The following RIMS2 variants were observed in gnomAD, a reference collection of about 807,000 sequenced individuals.
The protein encoded by RIMS2 is regulating synaptic membrane exocytosis 2, also known as regulating synaptic membrane exocytosis protein 2.
Under a neutral mutation model 174.4 loss-of-function variants are expected in RIMS2, and 59 were observed. That is an observed-to-expected ratio of 0.34 (90% confidence interval 0.27 to 0.42). The LOEUF (loss-of-function observed/expected upper bound fraction) is 0.42. Among genes scored for constraint, RIMS2 ranks in the 10% least tolerant of loss-of-function variants. The probability of loss-of-function intolerance (pLI) is 1.00; values close to 1 mark genes in which losing one functional copy is unlikely to be tolerated. For synonymous variants in RIMS2, 606 were observed against 572.5 expected, an observed-to-expected ratio of 1.06 and a Z score of -0.84; for missense variants, 1,620 against 1,666.3, an observed-to-expected ratio of 0.97 and a Z score of 0.48.
chr8:103,713,065 C>T (rs1295096132), intron 2 of RIMS2, among the ~76,000 whole-genome samples: 2 of 151,878 alleles, frequency 1.3e-5, no homozygotes, highest in African/African-American at 4.8e-5. Flanking sequence ...GTTGCCCAGG[C>T]TATAGTGCAG....
At chr8:103,749,588 G>A (rs2097861227) in intron 2 of RIMS2, among the ~76,000 whole-genome samples, 1 of 152,088 alleles carries the variant, frequency 6.6e-6, no homozygotes, top group South Asian at 2.1e-4. Flanking sequence ...TTCTCATGTT[G>A]TTATGAAGAA....
intron 3 of RIMS2, among the ~76,000 whole-genome samples, chr8:103,818,964 G>T (rs1328304503): frequency 6.6e-6 from 1 of 152,076 alleles, no homozygotes; most frequent in African/African-American, 2.4e-5. Flanking sequence ...GCAGCATCTT[G>T]CACATTGAAG....
Position 103,641,465 on chromosome 8 carries a change from C to T in RIMS2, c.177-55621C>T, listed in dbSNP as rs2096228897. Among the ~76,000 whole-genome samples the T allele has an allele frequency of 2.6e-5, 4 of 152,146 alleles. No homozygotes were observed. In the South Asian group the frequency reaches 8.3e-4, roughly 31 times the overall value. ...TGTACTGATCTATCAAACACTAGGT[C>T]ATATTTCTTGTCTAACTGTATGTAT... On this transcript the variant is annotated intron_variant, in intron 1 of 23. Transcript: ENST00000504942.
chr8:103,817,393 G>A (rs1289420423), intron 3 of RIMS2, among the ~76,000 whole-genome samples: 2 of 152,198 alleles, frequency 1.3e-5, no homozygotes, highest in South Asian at 2.1e-4. Flanking sequence ...TCACAGGGAA[G>A]GAACATAGAA....
intron 14 of RIMS2, among the ~76,000 whole-genome samples, 153 bp from the exon 17 acceptor site, chr8:103,960,912 A>T (rs578005608): frequency 6.6e-6 from 1 of 152,282 alleles, no homozygotes; most frequent in African/African-American, 2.4e-5. Flanking sequence ...GTGAAAATAA[A>T]TGACAAAAAG....
chr8:103,533,770 T>A (rs1838526058), intron 1 of RIMS2, among the ~76,000 whole-genome samples: 1 of 151,732 alleles, frequency 6.6e-6, no homozygotes, highest in South Asian at 2.1e-4. Context: ...CTTGTAAAAA[T>A]TAAGGTGTTT....
intron 2 of RIMS2, among the ~76,000 whole-genome samples, chr8:103,755,395 C>T (rs892568526): frequency 4.6e-5 from 7 of 152,018 alleles, no homozygotes; most frequent in African/African-American, 1.4e-4. Flanking sequence ...GTGTATCTGA[C>T]GATTATGTGT....
At chr8:103,820,855 T>G (rs1027827728) in intron 3 of RIMS2, among the ~76,000 whole-genome samples, 2 of 151,400 alleles carry the variant, frequency 1.3e-5, no homozygotes, top group Non-Finnish European at 3.0e-5. Context: ...GATGCTGTTT[T>G]CCTTTTTTAA....
chr8:104,088,797 A>G lies in RIMS2; in HGVS notation c.3334+74182A>G, dbSNP rs752877905. Among the ~76,000 whole-genome samples, 7 of 152,108 alleles carry G rather than the reference A, an allele frequency of 4.6e-5. No individual in the cohort carries two copies. In the East Asian group the frequency reaches 1.4e-3, roughly 29 times the overall value. ...TGGAGAAAATGAAACTGATTTTAGA[A>G]ATTGTAATTTATTTTTTTAAGTATA... On this transcript the variant is annotated intron_variant, in intron 19 of 23. Coordinates refer to ENST00000504942, the Ensembl canonical transcript of RIMS2.
intron 3 of RIMS2, among the ~76,000 whole-genome samples, chr8:103,810,777 G>T (rs2098681816): frequency 6.6e-6 from 1 of 152,062 alleles, no homozygotes; most frequent in Non-Finnish European, 1.5e-5. Context: ...GGTAGCCTTT[G>T]GGAGAAAAGA....
intron 19 of RIMS2, among the ~76,000 whole-genome samples, chr8:104,112,182 A>G (rs985148669): frequency 6.6e-6 from 1 of 152,172 alleles, no homozygotes; most frequent in South Asian, 2.1e-4. Flanking sequence ...AGGTCAATCA[A>G]TGTAATAACG....
chr8:104,147,696 T>A (rs1429012164), intron 19 of RIMS2, among the ~76,000 whole-genome samples: 2 of 152,218 alleles, frequency 1.3e-5, no homozygotes, highest in Non-Finnish European at 2.9e-5. Context: ...GTATTTTCAT[T>A]CCTGCAAAAC....
intron 2 of RIMS2, among the ~76,000 whole-genome samples, chr8:103,745,031 T>C (rs2097795261): frequency 6.6e-6 from 1 of 152,230 alleles, no homozygotes; most frequent in Non-Finnish European, 1.5e-5. Context: ...TTAGTTGAGA[T>C]ATTTATATAG....
chr8:104,202,351 T>C (rs1461123608), intron 19 of RIMS2, among the ~76,000 whole-genome samples: 2 of 152,198 alleles, frequency 1.3e-5, no homozygotes, highest in Non-Finnish European at 2.9e-5. Flanking sequence ...AAGATGTTTT[T>C]TAAAATCTTA....
intron 3 of RIMS2, among the ~76,000 whole-genome samples, chr8:103,837,564 A>G (rs2098907087): frequency 6.6e-6 from 1 of 151,904 alleles, no homozygotes; most frequent in African/African-American, 2.4e-5. Context: ...TCCTGTGTCC[A>G]TGTGTTCTCA....
intron 19 of RIMS2, among the ~76,000 whole-genome samples, chr8:104,129,245 G>A (rs755327083): frequency 1.3e-5 from 2 of 151,850 alleles, no homozygotes; most frequent in East Asian, 1.9e-4. Flanking sequence ...AAGTAGCCAC[G>A]TGTGGCAGTG....
intron 10 of RIMS2, among the ~76,000 whole-genome samples, chr8:103,924,781 T>C (rs987404662): frequency 1.3e-5 from 2 of 151,726 alleles, no homozygotes; most frequent in Non-Finnish European, 3.0e-5. Flanking sequence ...TGTAAATTCG[T>C]TGTTTACATT....
chr8:103,803,599 T>G (rs890781872), intron 3 of RIMS2, among the ~76,000 whole-genome samples: 5 of 152,230 alleles, frequency 3.3e-5, no homozygotes, highest in Non-Finnish European at 7.3e-5. Context: ...CCCTTGGGTA[T>G]GTATAAAACC....
Position 104,014,497 on chromosome 8 carries a change from T to C in RIMS2, c.3225-9T>C. The C allele has an allele frequency of 6.7e-7, 1 of 1,497,574 alleles. No homozygotes were observed. Among genetic ancestry groups the C allele is most frequent in the Non-Finnish European group, 9.3e-7 (1 of 1,078,478 alleles). 92.8% of individuals were successfully genotyped at this position (1,497,574 alleles called of 1,614,324 possible). On this transcript the variant is annotated splice_polypyrimidine_tract_variant and intron_variant, in intron 18 of 23. Coordinates refer to ENST00000504942, the Ensembl canonical transcript of RIMS2. ...ATACTGAAAATGAATATTAATGGTG[T>C]GTCTTTAGGTCTCATCCTCGTACTG...
Sources: gnomAD v4.1 joint callset for allele counts (sites outside exome capture counted in the v4.1 genomes callset) on GRCh38, gnomAD v4.1.1 for gene constraint, MANE v1.5 for transcripts, NCBI Gene and HGNC (gene_info 2026-07-23, HGNC 2026-07-21) for gene names.